The following LRRC37A3 variants were observed in gnomAD, a reference collection of about 807,000 sequenced individuals.
LRRC37A3 encodes the protein leucine-rich repeat-containing protein 37A3.
A neutral mutation model predicts 106.2 loss-of-function variants in LRRC37A3; 25 were observed. The ratio of observed to expected loss-of-function variants is 0.24; its 90% CI spans 0.17 to 0.33. LRRC37A3 has a LOEUF of 0.33. Ranked by LOEUF, LRRC37A3 falls within the 10% of genes least tolerant of loss-of-function variation. The probability of loss-of-function intolerance (pLI) is 1.00; values close to 1 mark genes in which losing one functional copy is unlikely to be tolerated. For missense variants in LRRC37A3, 712 were observed against 1,644.9 expected (o/e 0.43, Z 9.81); for synonymous variants, 305 against 635.8 (o/e 0.48, Z 7.83).
In LRRC37A3 at chr17:64,860,559, G is replaced by T; in HGVS notation, c.3587C>A (p.Ser1196Tyr). 1 of 1,613,242 alleles carries T rather than the reference G, an allele frequency of 6.2e-7. No individual in the cohort carries two copies. Among genetic ancestry groups the T allele is most frequent in the Non-Finnish European group, 8.5e-7 (1 of 1,179,864 alleles). ...SIRREQGAQA[S>Y]VENTAEEKRL... ...TTTTTCTTCGGCAGTGTTCTCCACA[G>T]ATGCCTGGGCACCCTGTTCCCTCCT... Residue 1196 changes from serine to tyrosine, a missense_variant, in exon 12 of 15, where the codon TCT (serine) becomes TAT (tyrosine). Physicochemically the swap from Ser to Tyr is moderately radical, Grantham distance 144. Coordinates refer to ENST00000584306, the MANE Select transcript of LRRC37A3 (RefSeq NM_199340.5).
At chr17:64,873,757 A>C (rs1973403752) in intron 8 of LRRC37A3, among the ~76,000 whole-genome samples, 1 of 152,004 alleles carries the variant, frequency 6.6e-6, no homozygotes, top group African/African-American at 2.4e-5. Context: ...AACAGAAATA[A>C]AAATGAATGA....
intron 2 of LRRC37A3, among the ~76,000 whole-genome samples, chr17:64,914,275 G>T (rs182299583): frequency 0.013 from 2,005 of 152,082 alleles, 11 homozygotes; most frequent in Non-Finnish European, 0.018. Flanking sequence ...AGTGCACAAA[G>T]GGGCTGGGCG....
intron 10 of LRRC37A3, among the ~76,000 whole-genome samples, chr17:64,867,861 G>A (rs1973171245): frequency 6.6e-6 from 1 of 152,038 alleles, no homozygotes; most frequent in Non-Finnish European, 1.5e-5. Context: ...ATCACTTGAG[G>A]TCAGGAGTTC....
chr17:64,870,602 C>T (rs935903795), intron 8 of LRRC37A3, among the ~76,000 whole-genome samples: 1 of 151,970 alleles, frequency 6.6e-6, no homozygotes, highest in Non-Finnish European at 1.5e-5. Context: ...ATTATTATTG[C>T]CCTATTTTTA....
intron 8 of LRRC37A3, among the ~76,000 whole-genome samples, chr17:64,875,982 G>A (rs1261972130): frequency 2.0e-5 from 3 of 152,066 alleles, no homozygotes; most frequent in Admixed American, 2.0e-4. Context: ...GAACTACAAC[G>A]TTATAAAATT....
chr17:64,866,628 A>ATATATATT (rs1491179388), intron 10 of LRRC37A3, among the ~76,000 whole-genome samples: 1 of 17,870 alleles, frequency 5.6e-5, no homozygotes, highest in African/African-American at 2.7e-4. Context: ...ATATATATAT[A>ATATATATT]TTTTTTTTTT....
chr17:64,918,260 C>T (rs1194934706), intron 2 of LRRC37A3, among the ~76,000 whole-genome samples: 1 of 149,652 alleles, frequency 6.7e-6, no homozygotes, highest in African/African-American at 2.5e-5. Context: ...GGTCTCAAAC[C>T]AACAGTTAAC....
intron 2 of LRRC37A3, among the ~76,000 whole-genome samples, chr17:64,909,086 T>C (rs1974526304): frequency 6.6e-6 from 1 of 152,170 alleles, no homozygotes; most frequent in East Asian, 1.9e-4. Flanking sequence ...AGAACTTGCA[T>C]TTCTAACAAT....
In LRRC37A3 at chr17:64,860,349, G is replaced by A; in HGVS notation, c.3797C>T (p.Pro1266Leu). ...GTCTTTCCATCTGTCTCTCACCTGT[G>A]GTAGGGCTTTTGCAGGGCTGGAGGT... ...PSTSSPAKAL[P>L]QVRDRWKDLT... is the part of the protein sequence containing the mutation. Residue 1266 changes from proline to leucine, a missense_variant, in exon 12 of 15, where the codon CCA (proline) becomes CTA (leucine). By Grantham distance (98) the Pro-to-Leu change is moderately conservative (BLOSUM62 -3). Coordinates refer to ENST00000584306, the MANE Select transcript of LRRC37A3 (RefSeq NM_199340.5). 1 of 1,613,964 alleles carries A rather than the reference G, an allele frequency of 6.2e-7. No individual in the cohort carries two copies. Among genetic ancestry groups the A allele is most frequent in the Non-Finnish European group, 8.5e-7 (1 of 1,179,874 alleles).
At chr17:64,866,628 A>ATTTTTT (rs1183521580) in intron 10 of LRRC37A3, among the ~76,000 whole-genome samples, 2 of 17,868 alleles carry the variant, frequency 1.1e-4, no homozygotes, top group Non-Finnish European at 8.6e-5. Context: ...ATATATATAT[A>ATTTTTT]TTTTTTTTTT....
At chr17:64,881,333 C>T (rs1260187554) in intron 8 of LRRC37A3, among the ~76,000 whole-genome samples, 1 of 149,856 alleles carries the variant, frequency 6.7e-6, no homozygotes, top group East Asian at 1.9e-4. Context: ...CTGCAACCTC[C>T]ACCTCCTGGA....
At chr17:64,867,047 T>C (rs1042321701) in intron 10 of LRRC37A3, among the ~76,000 whole-genome samples, 1 of 151,896 alleles carries the variant, frequency 6.6e-6, no homozygotes, top group African/African-American at 2.4e-5. Flanking sequence ...GGAGAAGACA[T>C]AGGAGAAAAT....
At position 64,854,585 on chromosome 17, in the gene LRRC37A3, G is replaced by C. The variant is rs753088622; in HGVS notation, c.*14C>G. On this transcript the variant is annotated 3_prime_UTR_variant, in exon 15 of 15. Coordinates refer to ENST00000584306, the MANE Select transcript of LRRC37A3 (RefSeq NM_199340.5). The stretch of plus-strand genomic sequence containing the variant: ...TATTTTTGCAGGAGGCCTGAGGTGG[G>C]CTGGGTTCTCCTCCTATGGCAGGGC... 1.9e-6 allele frequency: 3 copies of C among 1,613,914 alleles called. No individual in the cohort carries two copies. Among genetic ancestry groups the C allele is most frequent in the Non-Finnish European group, 2.5e-6 (3 of 1,179,862 alleles).
In LRRC37A3 at chr17:64,898,360, ACCTGCAATC is replaced by A. The variant is rs1398454780; in HGVS notation, c.-405_-398+1del. Reference sequence around the variant, plus strand: ...AAATTAGCCAGGTGTGGTGGTGCATACCTGCAATCCCAGCTACTCAGGAGGCCAAAGCAG... The same window carrying A: ...AAATTAGCCAGGTGTGGTGGTGCATACCAGCTACTCAGGAGGCCAAAGCAG... On this transcript the variant is annotated splice_donor_variant and 5_prime_UTR_variant, in exon 3 of 15. Transcript: ENST00000584306. LOFTEE classifies it low-confidence loss of function (5UTR_SPLICE). 3 of 156,222 alleles carry A rather than the reference ACCTGCAATC, an allele frequency of 1.9e-5. No individual in the cohort carries two copies. The Admixed American group carries it at 2.0e-4, about 10-fold the overall frequency. 9.7% of individuals were successfully genotyped at this position (156,222 alleles called of 1,614,324 possible).
intron 1 of LRRC37A3, 120 bp from the exon 2 acceptor site, chr17:64,918,990 C>G (rs1202808267): frequency 1.3e-5 from 16 of 1,217,998 alleles, no homozygotes; most frequent in African/African-American, 3.1e-5. Flanking sequence ...CCGCCTCCCC[C>G]CGGCCGGGGC....
At chr17:64,892,281 AGAGAAC>A (rs1973970239) in intron 5 of LRRC37A3, among the ~76,000 whole-genome samples, 4 of 28,976 alleles carry the variant, frequency 1.4e-4, no homozygotes, top group Admixed American at 4.7e-4. Context: ...AAAAAAAAAA[AGAGAAC>A]AAAAAGGAAT....
intron 8 of LRRC37A3, among the ~76,000 whole-genome samples, chr17:64,871,329 C>T (rs1370969870): frequency 4.6e-5 from 7 of 151,868 alleles, no homozygotes; most frequent in Admixed American, 1.3e-4. Flanking sequence ...ACCCGGGAGG[C>T]GGAGGTTGCA....
At chr17:64,916,961 T>C (rs1175800902) in intron 2 of LRRC37A3, among the ~76,000 whole-genome samples, 2 of 147,986 alleles carry the variant, frequency 1.4e-5, no homozygotes, top group Non-Finnish European at 3.0e-5. Context: ...AAAAAAAACT[T>C]GAGGCCGGGC....
intron 2 of LRRC37A3, among the ~76,000 whole-genome samples, chr17:64,899,401 C>G (rs1335891319): frequency 1.4e-5 from 2 of 143,574 alleles, no homozygotes; most frequent in African/African-American, 5.6e-5. Flanking sequence ...GCCTGGACAA[C>G]AGAGTGAGAC....
Sources: gnomAD v4.1 joint callset for allele counts (sites outside exome capture counted in the v4.1 genomes callset) on GRCh38, gnomAD v4.1.1 for gene constraint, MANE v1.5 for transcripts, NCBI Gene and HGNC (gene_info 2026-07-23, HGNC 2026-07-21) for gene names.